Variants in LRP1B observed in about 807,000 individuals in gnomAD.
LRP1B encodes LDL receptor related protein 1B, also known as low-density lipoprotein receptor-related protein 1B.
LRP1B carries 217 observed loss-of-function variants against 556.6 expected under a neutral mutation model. The observed-to-expected ratio is 0.39, with a 90% CI of 0.35 to 0.44. LRP1B has a LOEUF of 0.44. Ranked by LOEUF, LRP1B falls within the 20% of genes least tolerant of loss-of-function variation. The pLI, the probability that LRP1B is intolerant of heterozygous loss-of-function variation, is 1.00. For missense variants in LRP1B, 5,053 were observed against 5,620.8 expected, an observed-to-expected ratio of 0.90 and a Z score of 3.23; for synonymous variants, 2,047 against 1,865.8, an observed-to-expected ratio of 1.10 and a Z score of -2.50.
intron 18 of LRP1B, among the ~76,000 whole-genome samples, chr2:140,964,533 A>T (rs924288257): frequency 1.3e-5 from 2 of 151,770 alleles, no homozygotes; most frequent in Non-Finnish European, 2.9e-5. Flanking sequence ...CCGCTAGACC[A>T]AGGAGCCCTC....
intron 41 of LRP1B, among the ~76,000 whole-genome samples, chr2:140,624,185 C>T (rs1396899753): frequency 6.6e-6 from 1 of 151,760 alleles, no homozygotes; most frequent in African/African-American, 2.4e-5. Context: ...CTTATCCACT[C>T]ACAGAAAAAA....
chr2:140,632,977 G>A (rs971087348), intron 41 of LRP1B, among the ~76,000 whole-genome samples: 1 of 151,652 alleles, frequency 6.6e-6, no homozygotes, highest in African/African-American at 2.4e-5. Flanking sequence ...GCAGGAGAAT[G>A]GTGCTAACCT....
intron 7 of LRP1B, among the ~76,000 whole-genome samples, chr2:141,087,786 T>G (rs1219384481): frequency 2.6e-5 from 4 of 152,324 alleles, no homozygotes; most frequent in Admixed American, 1.3e-4. Flanking sequence ...TAGAGGTGTC[T>G]GCGAAATGCA....
Position 140,471,933 on chromosome 2 carries a change from G to C in LRP1B, c.9625+3205C>G, listed in dbSNP as rs553255956. Among the ~76,000 whole-genome samples the C allele has an allele frequency of 1.7e-3, 253 of 152,278 alleles. 2 individuals are homozygous for C. The highest frequency in any genetic ancestry group is 5.9e-3 in the African/African-American group (247 of 41,552). On this transcript the variant is annotated intron_variant, in intron 60 of 90. Transcript: ENST00000389484. ...ACTCTATTACATCTTTGCACATGCTGTTCCCTCTGTGTGAAGACTCCTTCT... is the reference window on the plus strand; with the variant it reads ...ACTCTATTACATCTTTGCACATGCTCTTCCCTCTGTGTGAAGACTCCTTCT...
chr2:141,018,595 A>G (rs1014184962), intron 12 of LRP1B, among the ~76,000 whole-genome samples: 1 of 152,066 alleles, frequency 6.6e-6, no homozygotes, highest in Admixed American at 6.6e-5. Context: ...TTCCACATTT[A>G]TGTCATCTCT....
intron 78 of LRP1B, 74 bp downstream of exon 78, chr2:140,335,541 C>G (rs1681041576): frequency 5.5e-6 from 5 of 910,592 alleles, no homozygotes; most frequent in Middle Eastern, 2.3e-4. Context: ...ATTACAGAGA[C>G]AAAATCTATA....
intron 2 of LRP1B, among the ~76,000 whole-genome samples, chr2:141,632,925 T>C (rs1238464562): frequency 6.6e-6 from 1 of 152,104 alleles, no homozygotes; most frequent in Non-Finnish European, 1.5e-5. Context: ...ACCATTATTT[T>C]TTCCATGCCA....
chr2:141,480,159 T>TG (rs1682864581), intron 3 of LRP1B, among the ~76,000 whole-genome samples: 2 of 149,864 alleles, frequency 1.3e-5, no homozygotes, highest in Non-Finnish European at 3.0e-5. Context: ...AAGTCTAAAT[T>TG]TGTGTGTGTG....
chr2:140,317,294 T>G, intron 82 of LRP1B, among the ~76,000 whole-genome samples: 1 of 152,084 alleles, frequency 6.6e-6, no homozygotes, highest in East Asian at 1.9e-4. Context: ...CTCTCAGAAC[T>G]TCGTATACAT....
rs1307152750 is a variant in LRP1B, at chr2:141,823,143, G to T, written c.83-12742C>A. 2.0e-5 allele frequency among the ~76,000 whole-genome samples: 3 copies of T among 152,214 alleles called. No homozygotes were observed. In the East Asian group the frequency reaches 5.8e-4, roughly 29 times the overall value. On this transcript the variant is annotated intron_variant, in intron 1 of 90. Transcript: ENST00000389484. ...TTTCCCCATCTCTCTTACAGATAGG[G>T]CATGGACATGTGGCCAGTGCTGAGG...
chr2:141,540,666 G>T (rs942140175), intron 2 of LRP1B, among the ~76,000 whole-genome samples: 1 of 151,930 alleles, frequency 6.6e-6, no homozygotes, highest in Non-Finnish European at 1.5e-5. Context: ...TATAACAAAT[G>T]ATTTAGTTAA....
intron 7 of LRP1B, among the ~76,000 whole-genome samples, chr2:141,137,458 T>C (rs1021765186): frequency 1.3e-4 from 19 of 151,920 alleles, no homozygotes; most frequent in Non-Finnish European, 2.7e-4. Context: ...TTCCAGGAAC[T>C]GCTTGCCTTA....
intron 3 of LRP1B, among the ~76,000 whole-genome samples, chr2:141,300,761 C>G (rs893136808): frequency 1.3e-5 from 2 of 152,138 alleles, no homozygotes; most frequent in African/African-American, 4.8e-5. Context: ...CTGAGGCCTC[C>G]TCAGAATCAG....
rs2105003298 is a variant in LRP1B at position 140,536,603 on chromosome 2, T to C, written c.7620A>G (p.Ser2540=). The change falls in exon 46 of 91, where the codon TCA becomes TCG. Residue 2540 remains serine, a synonymous_variant. Coordinates refer to ENST00000389484, the MANE Select transcript of LRP1B (RefSeq NM_018557.3). ...TACCACAGTAGAGCAGTTTTTCATC[T>C]GATTTATCTTTACAGTGAGGAATGC... ...CDGIPHCKDK[S]DEKLLYCENR... 2 of 1,610,278 alleles carry C rather than the reference T, an allele frequency of 1.2e-6. No individual in the cohort carries two copies. The highest frequency in any genetic ancestry group is 1.7e-6 in the Non-Finnish European group (2 of 1,178,664).
intron 1 of LRP1B, among the ~76,000 whole-genome samples, chr2:142,112,661 A>C (rs2104992006): frequency 6.6e-6 from 1 of 152,156 alleles, no homozygotes; most frequent in Middle Eastern, 3.4e-3. Flanking sequence ...TTTTTGAATA[A>C]ATATTTCTAG....
intron 1 of LRP1B, among the ~76,000 whole-genome samples, chr2:141,831,587 A>T (rs771892352): frequency 2.2e-4 from 34 of 151,718 alleles, no homozygotes; most frequent in Non-Finnish European, 4.3e-4. Flanking sequence ...AAACTCATTA[A>T]GTTTTGGAAT....
intron 3 of LRP1B, among the ~76,000 whole-genome samples, chr2:141,284,996 A>G (rs897098177): frequency 3.3e-5 from 5 of 152,212 alleles, no homozygotes; most frequent in Non-Finnish European, 4.4e-5. Context: ...AAAAAATTAT[A>G]CATTTAACAT....
Position 140,232,908 on chromosome 2 carries a change from G to A in LRP1B, c.*278C>T, listed in dbSNP as rs968187684. 3.4e-5 allele frequency: 8 copies of A among 235,618 alleles called. No individual in the cohort carries two copies. The South Asian group carries it at 4.6e-4, about 13-fold the overall frequency. 14.6% of individuals were successfully genotyped at this position (235,618 alleles called of 1,614,324 possible). A position where few individuals can be genotyped will look rare whatever the true frequency, so the allele number is the denominator to read the frequency against. On this transcript the variant is annotated 3_prime_UTR_variant, in exon 91 of 91. Transcript: ENST00000389484. The stretch of plus-strand genomic sequence containing the variant: ...TCATATTCACACTACAAAGGAATAC[G>A]TTGTTTTTAATTTTAACAAATTCAA...
At chr2:140,341,784 C>A (rs1681404454) in intron 77 of LRP1B, among the ~76,000 whole-genome samples, 1 of 151,072 alleles carries the variant, frequency 6.6e-6, no homozygotes, top group Non-Finnish European at 1.5e-5. Context: ...GGCTTGTAAA[C>A]CAATGGTTTT....
Sources: allele counts gnomAD v4.1 joint callset (sites outside exome capture counted in the v4.1 genomes callset), GRCh38; gene constraint gnomAD v4.1.1; transcripts MANE v1.5; gene names NCBI Gene and HGNC (gene_info 2026-07-23, HGNC 2026-07-21).